The following C7orf78 variants were observed in gnomAD, a reference collection of about 807,000 sequenced individuals.
C7orf78 encodes putative uncharacterized protein C7orf78.
the C7orf78 span, among the ~76,000 whole-genome samples, chr7:12,492,595 CAG>C: frequency 6.6e-6 from 1 of 152,092 alleles, no homozygotes; most frequent in African/African-American, 2.4e-5. Context: ...TTTTACAAAA[CAG>C]AAATATTTTT....
chr7:12,486,681 G>C, the C7orf78 span, among the ~76,000 whole-genome samples: 1 of 152,010 alleles, frequency 6.6e-6, no homozygotes, highest in Non-Finnish European at 1.5e-5. Flanking sequence ...AACATTGTGG[G>C]CTCTGGATAG....
the C7orf78 span, among the ~76,000 whole-genome samples, chr7:12,496,155 G>A: frequency 2.0e-5 from 3 of 152,170 alleles, no homozygotes; most frequent in African/African-American, 4.8e-5. Flanking sequence ...TCGATCTCCT[G>A]ACCTCGTGAT....
At chr7:12,503,995 C>G in the C7orf78 span, among the ~76,000 whole-genome samples, 1 of 152,012 alleles carries the variant, frequency 6.6e-6, no homozygotes, top group Admixed American at 6.6e-5. Flanking sequence ...TAGGTTGAGC[C>G]GTAGATTAGA....
chr7:12,538,393 C>T, the C7orf78 span: 2 of 152,096 alleles, frequency 1.3e-5, no homozygotes, highest in Non-Finnish European at 2.9e-5. Flanking sequence ...TCTTGGTCTG[C>T]CTTTTATCTC....
chr7:12,513,987 G>A, the C7orf78 span, among the ~76,000 whole-genome samples: 7 of 152,152 alleles, frequency 4.6e-5, no homozygotes, highest in East Asian at 1.9e-4. Context: ...GCAACAGAGC[G>A]AGACTCCGTC....
chr7:12,501,585 T>A, the C7orf78 span, among the ~76,000 whole-genome samples: 1 of 130,228 alleles, frequency 7.7e-6, no homozygotes, highest in Non-Finnish European at 1.6e-5. Flanking sequence ...TAAAAGAGGA[T>A]ACAAACAAAT....
chr7:12,496,671 T>A, the C7orf78 span: 1 of 152,204 alleles, frequency 6.6e-6, no homozygotes, highest in Non-Finnish European at 1.5e-5. Context: ...TTACTTATAA[T>A]TTACTTGAAA....
the C7orf78 span, among the ~76,000 whole-genome samples, chr7:12,502,297 C>A: frequency 8.1e-6 from 1 of 124,090 alleles, no homozygotes; most frequent in Non-Finnish European, 1.7e-5. Context: ...GAACAGGCAA[C>A]CTACAAAATG....
chr7:12,531,284 A>G, the C7orf78 span, among the ~76,000 whole-genome samples: 1 of 152,184 alleles, frequency 6.6e-6, no homozygotes, highest in African/African-American at 2.4e-5. Flanking sequence ...CCATTATCAA[A>G]TAATTATTAT....
the C7orf78 span, among the ~76,000 whole-genome samples, chr7:12,494,388 T>C: frequency 6.6e-6 from 1 of 152,194 alleles, no homozygotes; most frequent in Non-Finnish European, 1.5e-5. Flanking sequence ...GAGCATATTT[T>C]AATCTCTGTG....
chr7:12,509,528 C>T, the C7orf78 span, among the ~76,000 whole-genome samples: 39 of 152,266 alleles, frequency 2.6e-4, no homozygotes, highest in African/African-American at 9.1e-4. Flanking sequence ...TAAGTATAGT[C>T]AACCTAATCT....
At chr7:12,523,449 A>G in the C7orf78 span, 2 of 397,918 alleles carry the variant, frequency 5.0e-6, no homozygotes, top group Non-Finnish European at 8.9e-6. Flanking sequence ...ATTTGAATAA[A>G]AACTATTTAA....
the C7orf78 span, among the ~76,000 whole-genome samples, chr7:12,500,637 A>G: frequency 6.6e-6 from 1 of 152,172 alleles, no homozygotes; most frequent in East Asian, 1.9e-4. Flanking sequence ...TCACAGCCGA[A>G]TTCTACCAGA....
chr7:12,505,001 A>G, the C7orf78 span, among the ~76,000 whole-genome samples: 1 of 152,074 alleles, frequency 6.6e-6, no homozygotes, highest in Admixed American at 6.5e-5. Flanking sequence ...GCATATATTT[A>G]CTAACTAAAG....
chr7:12,540,295 T>C, the C7orf78 span, among the ~76,000 whole-genome samples: 2 of 152,192 alleles, frequency 1.3e-5, no homozygotes, highest in Non-Finnish European at 2.9e-5. Flanking sequence ...GGAAGCCTCA[T>C]TGTAACACTT....
the C7orf78 span, among the ~76,000 whole-genome samples, chr7:12,502,423 G>A: frequency 2.0e-5 from 3 of 151,730 alleles, no homozygotes; most frequent in Non-Finnish European, 4.4e-5. Flanking sequence ...GTGGGTGAGG[G>A]ACATGAACAG....
At chr7:12,497,930 AC>A in the C7orf78 span, among the ~76,000 whole-genome samples, 1 of 151,504 alleles carries the variant, frequency 6.6e-6, no homozygotes, top group Non-Finnish European at 1.5e-5. Flanking sequence ...CTGACCCCTG[AC>A]CCCTGAGCAG....
chr7:12,534,973 A>AGGAG, the C7orf78 span, among the ~76,000 whole-genome samples: 3 of 135,094 alleles, frequency 2.2e-5, no homozygotes, highest in South Asian at 2.7e-4. Context: ...GGAAGAAGGA[A>AGGAG]GGAGGGAAGG....
At chr7:12,537,720 G>C in the C7orf78 span, among the ~76,000 whole-genome samples, 4 of 151,974 alleles carry the variant, frequency 2.6e-5, no homozygotes, top group South Asian at 2.1e-4. Flanking sequence ...CTTTACATTA[G>C]AGACAAGTCC....
Sources: allele counts gnomAD v4.1 joint callset (sites outside exome capture counted in the v4.1 genomes callset), GRCh38; gene constraint gnomAD v4.1.1; transcripts MANE v1.5; gene names NCBI Gene and HGNC (gene_info 2026-07-23, HGNC 2026-07-21).